The following ABCC11 variants were observed in gnomAD, a reference collection of about 807,000 sequenced individuals.
ABCC11 encodes the protein ATP binding cassette subfamily C member 11.
In ABCC11, 135 loss-of-function variants were observed where a neutral mutation model predicts 149.3. The ratio of observed to expected loss-of-function variants is 0.90; its 90% CI spans 0.79 to 1.04. ABCC11 has a LOEUF of 1.04. Ranked by LOEUF, ABCC11 falls within the 50% of genes least tolerant of loss-of-function variation. The probability of loss-of-function intolerance (pLI) is 0.00; values close to 1 mark genes in which losing one functional copy is unlikely to be tolerated. For synonymous variants in ABCC11, 665 were observed against 671.4 expected, an observed-to-expected ratio of 0.99 and a Z score of 0.15; for missense variants, 1,680 against 1,722.1, an observed-to-expected ratio of 0.98 and a Z score of 0.43.
intron 1 of ABCC11, chr16:48,244,664 T>C: frequency 7.7e-7 from 1 of 1,290,790 alleles, no homozygotes; most frequent in Non-Finnish European, 9.9e-7. Context: ...CGGCGCGGCC[T>C]CCTCCGGGGA....
At chr16:48,192,985 G>C (rs1009956716) in intron 19 of ABCC11, among the ~76,000 whole-genome samples, 7 of 152,210 alleles carry the variant, frequency 4.6e-5, no homozygotes, top group African/African-American at 1.7e-4. Context: ...AGAAGCTTGG[G>C]AACGTGATTT....
chr16:48,168,451 A>G (rs1965477210), intron 28 of ABCC11, among the ~76,000 whole-genome samples: 1 of 152,184 alleles, frequency 6.6e-6, no homozygotes, highest in African/African-American at 2.4e-5. Flanking sequence ...GACAGTTTGC[A>G]CCAACAGTTT....
At chr16:48,232,836 T>C (rs942908537) in intron 1 of ABCC11, among the ~76,000 whole-genome samples, 1 of 152,260 alleles carries the variant, frequency 6.6e-6, no homozygotes, top group African/African-American at 2.4e-5. Context: ...ATTTTCATTT[T>C]CATTTTCATT....
In ABCC11 at chr16:48,166,592, A is replaced by G. The variant is rs988541668; in HGVS notation, c.*682T>C. Among the ~76,000 whole-genome samples, 3 of 152,216 alleles carry G rather than the reference A, an allele frequency of 2.0e-5. No individual in the cohort carries two copies. The highest frequency in any genetic ancestry group is 7.2e-5 in the African/African-American group (3 of 41,446). ...ACTAGCTAACGTAAAAAGCAGAATG[A>G]AGATGGCTGGGTGCAGTGGTTCATG... is the stretch of plus-strand genomic sequence containing the variant. On this transcript the variant is annotated 3_prime_UTR_variant, in exon 30 of 30. Transcript: ENST00000356608.
At chr16:48,181,011 C>T (rs763531931) in intron 23 of ABCC11, among the ~76,000 whole-genome samples, 6 of 152,314 alleles carry the variant, frequency 3.9e-5, no homozygotes, top group Admixed American at 6.5e-5. Context: ...TTTGAGCAAC[C>T]GCCTGCTGTG....
intron 14 of ABCC11, among the ~76,000 whole-genome samples, chr16:48,202,471 C>A (rs1353453489): frequency 1.3e-5 from 2 of 151,964 alleles, no homozygotes; most frequent in Non-Finnish European, 2.9e-5. Context: ...ATTAGCCGGG[C>A]CTGGAGGTGC....
At chr16:48,165,155 G>T (rs1450391440), downstream of ABCC11, 1 of 152,444 alleles carries the variant, frequency 6.6e-6, no homozygotes, top group South Asian at 2.1e-4. Flanking sequence ...TCCCACAGCA[G>T]TTCTGGGAAT....
rs191241551 is a variant in ABCC11, at chr16:48,231,751, G to A, written c.99+72C>T. 20 of 1,544,424 alleles carry A rather than the reference G, an allele frequency of 1.3e-5. No individual in the cohort carries two copies. The Admixed American group carries it at 1.7e-4, about 13-fold the overall frequency. On this transcript the variant is annotated intron_variant, in intron 2 of 29. Coordinates refer to ENST00000356608, the MANE Select transcript of ABCC11 (RefSeq NM_001370497.1). ...TAAGTATGGGAAGAAATTGTTTGAC[G>A]TAATTTATGACCGTGGAGAATATTC...
intron 26 of ABCC11, among the ~76,000 whole-genome samples, chr16:48,173,607 T>A (rs926810249): frequency 6.6e-6 from 1 of 152,158 alleles, no homozygotes; most frequent in Non-Finnish European, 1.5e-5. Context: ...ACACAACCAT[T>A]TTTTTGTTGT....
At chr16:48,241,179 A>G (rs1168741595) in intron 1 of ABCC11, among the ~76,000 whole-genome samples, 1 of 152,048 alleles carries the variant, frequency 6.6e-6, no homozygotes, top group Non-Finnish European at 1.5e-5. Context: ...CAGATGATCC[A>G]CCCATCTCGG....
intron 1 of ABCC11, among the ~76,000 whole-genome samples, chr16:48,246,259 C>T (rs1281479534): frequency 3.9e-5 from 6 of 152,164 alleles, no homozygotes; most frequent in Non-Finnish European, 7.3e-5. Flanking sequence ...TTGGTTATTG[C>T]CTGAGTGGAA....
At chr16:48,198,315 G>A (rs2150810602) in intron 15 of ABCC11, 40 bp from the exon 16 acceptor site, 1 of 1,585,988 alleles carries the variant, frequency 6.3e-7, no homozygotes, top group South Asian at 1.1e-5. Context: ...GTAAGCACAT[G>A]GAAAGATGTT....
chr16:48,169,957 CTGTTGTTGT>C (rs760834616), intron 28 of ABCC11, 139 bp downstream of exon 28: 19 of 570,854 alleles, frequency 3.3e-5, no homozygotes, highest in Middle Eastern at 4.9e-4. Flanking sequence ...GATTCTGTTG[CTGTTGTTGT>C]TGTTGTTGTT....
At chr16:48,175,022 T>C (rs538161456) in intron 26 of ABCC11, among the ~76,000 whole-genome samples, 4 of 152,346 alleles carry the variant, frequency 2.6e-5, no homozygotes, top group East Asian at 3.9e-4. Flanking sequence ...AATAAAAATA[T>C]GTTTTGTTTT....
chr16:48,203,375 A>G (rs1968168200), intron 13 of ABCC11, 75 bp from the exon 14 acceptor site: 2 of 1,360,186 alleles, frequency 1.5e-6, no homozygotes, highest in Non-Finnish European at 2.0e-6. Flanking sequence ...GTCGAGAGGA[A>G]TGGTCTTGAT....
chr16:48,246,216 A>G (rs186421837), intron 1 of ABCC11, among the ~76,000 whole-genome samples: 102 of 152,322 alleles, frequency 6.7e-4, no homozygotes, highest in African/African-American at 2.4e-3. Flanking sequence ...TTTCTCAAGC[A>G]TGGAAAATAT....
intron 27 of ABCC11, 141 bp from the exon 28 acceptor site, chr16:48,170,359 C>T: frequency 2.9e-6 from 2 of 692,378 alleles, no homozygotes; most frequent in Non-Finnish European, 5.1e-6. Flanking sequence ...TGCTCCTTAA[C>T]TGCGCCTTGC....
chr16:48,243,585 C>T (rs1286510537), intron 1 of ABCC11, among the ~76,000 whole-genome samples: 1 of 148,700 alleles, frequency 6.7e-6, no homozygotes, highest in Admixed American at 6.6e-5. Flanking sequence ...ATAGGTTAAA[C>T]GATAATAATG....
At chr16:48,184,013 G>GAC (rs1349003823) in intron 23 of ABCC11, among the ~76,000 whole-genome samples, 2 of 152,180 alleles carry the variant, frequency 1.3e-5, no homozygotes, top group African/African-American at 4.8e-5. Context: ...AGAAAGGTTT[G>GAC]ACAGCTCAAT....
Sources: allele counts gnomAD v4.1 joint callset (sites outside exome capture counted in the v4.1 genomes callset), GRCh38; gene constraint gnomAD v4.1.1; transcripts MANE v1.5; gene names NCBI Gene and HGNC (gene_info 2026-07-23, HGNC 2026-07-21).